RMDN2: variants seen among roughly 807,000 people sequenced by gnomAD.
The protein encoded by RMDN2 is regulator of microtubule dynamics 2, also known as regulator of microtubule dynamics protein 2.
Under a neutral mutation model 52.8 loss-of-function variants are expected in RMDN2, and 61 were observed. That is an observed-to-expected ratio of 1.16 (90% CI 0.94 to 1.43). The LOEUF (loss-of-function observed/expected upper bound fraction) is 1.43, where lower values mean the gene tolerates loss of function less well. Ranked by LOEUF, RMDN2 falls within the 40% of genes most tolerant of loss-of-function variation. The pLI is 0.00. For synonymous variants in RMDN2, 180 were observed against 153.1 expected, an observed-to-expected ratio of 1.18 and a Z score of -1.30; for missense variants, 592 against 475.3, an observed-to-expected ratio of 1.25 and a Z score of -2.28.
intron 2 of RMDN2, among the ~76,000 whole-genome samples, chr2:37,967,555 T>C (rs1671227761): frequency 6.6e-6 from 1 of 152,246 alleles, no homozygotes; most frequent in African/African-American, 2.4e-5. Context: ...GCTTGTTGAC[T>C]TTCTAGAAGA....
At chr2:38,066,920 C>T (rs569251015) in intron 10 of RMDN2, 84 of 1,570,404 alleles carry the variant, frequency 5.3e-5, no homozygotes, top group African/African-American at 2.4e-4. Flanking sequence ...GAGGTTCCCA[C>T]GCCAAAGTTT....
At chr2:37,925,854 T>A (rs1230016686) in intron 1 of RMDN2, among the ~76,000 whole-genome samples, 1 of 152,184 alleles carries the variant, frequency 6.6e-6, no homozygotes, top group African/African-American at 2.4e-5. Context: ...TTTTTTTTGC[T>A]CTCAGACTCC....
chr2:38,015,816 C>G (rs1189738057), intron 10 of RMDN2, among the ~76,000 whole-genome samples: 1 of 152,208 alleles, frequency 6.6e-6, no homozygotes, highest in African/African-American at 2.4e-5. Context: ...AGGGTGAACT[C>G]TGTTCCTCCA....
At chr2:37,947,599 A>G (rs1012942557) in intron 2 of RMDN2, among the ~76,000 whole-genome samples, 3 of 152,136 alleles carry the variant, frequency 2.0e-5, no homozygotes, top group African/African-American at 7.2e-5. Context: ...TTAAAAATGA[A>G]TGTTGCTGTT....
chr2:37,937,161 A>C (rs1301785788), intron 2 of RMDN2, among the ~76,000 whole-genome samples: 2 of 152,132 alleles, frequency 1.3e-5, no homozygotes, highest in Admixed American at 6.5e-5. Flanking sequence ...TTAAACAGGG[A>C]ATCTTTTCCC....
At chr2:37,969,655 ATT>A (rs1245252066) in intron 2 of RMDN2, among the ~76,000 whole-genome samples, 1 of 151,940 alleles carries the variant, frequency 6.6e-6, no homozygotes, top group Admixed American at 6.6e-5. Context: ...AATTATTATA[ATT>A]TTTGTTTTTC....
chr2:38,066,730 C>A (rs1682298367), intron 10 of RMDN2, among the ~76,000 whole-genome samples: 1 of 152,212 alleles, frequency 6.6e-6, no homozygotes, highest in Non-Finnish European at 1.5e-5. Flanking sequence ...CTCTGCTAGA[C>A]AGTTGTGCAA....
intron 2 of RMDN2, among the ~76,000 whole-genome samples, chr2:37,967,197 G>T (rs1671167265): frequency 6.6e-6 from 1 of 152,054 alleles, no homozygotes; most frequent in African/African-American, 2.4e-5. Context: ...AGAAATAATA[G>T]CTAGTACCAT....
intron 10 of RMDN2, among the ~76,000 whole-genome samples, chr2:38,065,037 T>A (rs971575841): frequency 6.6e-6 from 1 of 152,176 alleles, no homozygotes; most frequent in African/African-American, 2.4e-5. Context: ...AGTAAACACA[T>A]ACCAAGCTGT....
chr2:38,028,928 A>C (rs1022372414), intron 10 of RMDN2, among the ~76,000 whole-genome samples: 8 of 152,120 alleles, frequency 5.3e-5, no homozygotes, highest in Non-Finnish European at 1.2e-4. Context: ...CCATCCCCAG[A>C]GTCAAATCTG....
chr2:38,026,717 A>G (rs1352872926), intron 10 of RMDN2, among the ~76,000 whole-genome samples: 2 of 152,080 alleles, frequency 1.3e-5, no homozygotes, highest in Non-Finnish European at 2.9e-5. Flanking sequence ...CCCATCATCT[A>G]CATTAGGTAT....
chr2:38,045,850 G>A (rs1681241079), intron 10 of RMDN2, among the ~76,000 whole-genome samples: 1 of 152,188 alleles, frequency 6.6e-6, no homozygotes, highest in Non-Finnish European at 1.5e-5. Context: ...AACAAAGCAT[G>A]GCAAAGCATG....
chr2:37,932,840 A>G (rs1233935805), intron 2 of RMDN2, among the ~76,000 whole-genome samples: 1 of 129,996 alleles, frequency 7.7e-6, no homozygotes, highest in Non-Finnish European at 1.6e-5. Flanking sequence ...TCCCTCCCGG[A>G]CGGGGCGGCT....
chr2:37,929,313 C>T lies in RMDN2; in HGVS notation c.36C>T (p.Gly12=). Residue 12 remains glycine (G), a synonymous_variant, in exon 2 of 11, where the codon GGC becomes GGT. Coordinates refer to ENST00000354545, the MANE Select transcript of RMDN2 (RefSeq NM_001170791.3). The part of the protein sequence containing the change: ...PYSTNKELIL[G]IMVGTAGISL... ...CCACAAACAAAGAGTTGATACTTGG[C>T]ATCATGGTGGGCACTGCTGGAATCA... 6.5e-7 allele frequency: 1 copy of T among 1,546,286 alleles called. No individual in the cohort carries two copies. Among genetic ancestry groups the T allele is most frequent in the Non-Finnish European group, 8.7e-7 (1 of 1,144,254 alleles).
intron 2 of RMDN2, among the ~76,000 whole-genome samples, chr2:37,931,141 A>G (rs1346705288): frequency 2.0e-5 from 3 of 152,180 alleles, no homozygotes; most frequent in Non-Finnish European, 2.9e-5. Context: ...CAAGAACACA[A>G]ATTTTTTAGA....
chr2:38,029,570 C>T (rs1285647362), intron 10 of RMDN2: 1 of 150,540 alleles, frequency 6.6e-6, no homozygotes, highest in Admixed American at 6.6e-5. Flanking sequence ...AATTAAACAA[C>T]TCAAGAAGAA....
chr2:37,977,161 G>A (rs1215376067), intron 4 of RMDN2, among the ~76,000 whole-genome samples: 2 of 152,162 alleles, frequency 1.3e-5, no homozygotes, highest in Non-Finnish European at 2.9e-5. Flanking sequence ...CACAGGGTTG[G>A]GGGTAAGGTT....
At chr2:38,044,556 T>A (rs1681156818) in intron 10 of RMDN2, among the ~76,000 whole-genome samples, 1 of 151,996 alleles carries the variant, frequency 6.6e-6, no homozygotes, top group Non-Finnish European at 1.5e-5. Flanking sequence ...TTGTTATATG[T>A]TCTGTTTGGG....
downstream of RMDN2, among the ~76,000 whole-genome samples, chr2:38,020,023 C>T (rs1257834082): frequency 6.6e-6 from 1 of 152,028 alleles, no homozygotes; most frequent in Admixed American, 6.5e-5. Flanking sequence ...GTGAACAGGA[C>T]TAGAATCTGA....
Sources: gnomAD v4.1 joint callset for allele counts (sites outside exome capture counted in the v4.1 genomes callset) on GRCh38, gnomAD v4.1.1 for gene constraint, MANE v1.5 for transcripts, NCBI Gene and HGNC (gene_info 2026-07-23, HGNC 2026-07-21) for gene names.